EFCAB11: variants seen among roughly 807,000 people sequenced by gnomAD.
EFCAB11 encodes the protein EF-hand calcium binding domain 11.
A neutral mutation model predicts 23.0 loss-of-function variants in EFCAB11; 14 were observed. The ratio of observed to expected loss-of-function variants is 0.61; its 90% CI spans 0.40 to 0.95. The LOEUF is 0.95. Among genes scored for constraint, EFCAB11 ranks in the 40% least tolerant of loss-of-function variants. The probability of loss-of-function intolerance (pLI) is 0.00; values close to 1 mark genes in which losing one functional copy is unlikely to be tolerated. For missense variants in EFCAB11, 198 were observed against 195.8 expected (o/e 1.01, Z -0.07); for synonymous variants, 65 against 66.6 (o/e 0.98, Z 0.11).
chr14:89,838,436 T>G (rs1392285894), intron 5 of EFCAB11, among the ~76,000 whole-genome samples: 1 of 124,434 alleles, frequency 8.0e-6, no homozygotes, highest in African/African-American at 3.2e-5. Flanking sequence ...TACAGAGAGA[T>G]AAAAAGGAAA....
intron 5 of EFCAB11, among the ~76,000 whole-genome samples, chr14:89,889,100 A>T (rs1046147257): frequency 6.6e-6 from 1 of 152,216 alleles, no homozygotes; most frequent in African/African-American, 2.4e-5. Context: ...TTGCATGATA[A>T]TTAGAATGAT....
chr14:89,951,925 A>G (rs1025878476), intron 2 of EFCAB11, among the ~76,000 whole-genome samples: 13 of 152,186 alleles, frequency 8.5e-5, no homozygotes, highest in African/African-American at 3.1e-4. Flanking sequence ...ACTGCATCTC[A>G]ACAAATAAAT....
intron 5 of EFCAB11, among the ~76,000 whole-genome samples, chr14:89,801,278 CT>C (rs1461737380): frequency 2.0e-5 from 3 of 152,304 alleles, no homozygotes; most frequent in East Asian, 3.9e-4. Flanking sequence ...AACCTCTCCC[CT>C]ATCTTCACCA....
intron 5 of EFCAB11, chr14:89,829,784 A>T (rs1886824947): frequency 6.6e-6 from 1 of 152,248 alleles, no homozygotes; most frequent in African/African-American, 2.4e-5. Flanking sequence ...ATCAATGAAG[A>T]GCAAACACCA....
intron 5 of EFCAB11, among the ~76,000 whole-genome samples, chr14:89,881,862 T>C (rs968302901): frequency 1.3e-5 from 2 of 152,216 alleles, no homozygotes; most frequent in African/African-American, 2.4e-5. Flanking sequence ...ACAGTGTGCA[T>C]GCACTTGAAC....
At chr14:89,864,715 A>G (rs1423245204) in intron 5 of EFCAB11, among the ~76,000 whole-genome samples, 1 of 152,214 alleles carries the variant, frequency 6.6e-6, no homozygotes, top group Admixed American at 6.5e-5. Context: ...CTGGGATTAC[A>G]GGCGTGAGCC....
intron 5 of EFCAB11, among the ~76,000 whole-genome samples, chr14:89,866,774 A>C (rs1319687280): frequency 6.6e-6 from 1 of 152,058 alleles, no homozygotes; most frequent in African/African-American, 2.4e-5. Context: ...ATGTGTAATG[A>C]TCTCATTTTT....
chr14:89,948,305 T>C (rs948106264), intron 3 of EFCAB11, among the ~76,000 whole-genome samples: 2 of 152,166 alleles, frequency 1.3e-5, no homozygotes, highest in Non-Finnish European at 2.9e-5. Flanking sequence ...ACAGTTAAAA[T>C]GGCTTTTATC....
At chr14:89,855,825 G>A (rs184612717) in intron 5 of EFCAB11, among the ~76,000 whole-genome samples, 3 of 151,990 alleles carry the variant, frequency 2.0e-5, no homozygotes, top group Admixed American at 6.6e-5. Flanking sequence ...TATTCTCTCT[G>A]TATATTTGAC....
chr14:89,944,913 T>C (rs754885179), intron 3 of EFCAB11, among the ~76,000 whole-genome samples: 2 of 137,148 alleles, frequency 1.5e-5, no homozygotes, highest in Admixed American at 7.5e-5. Flanking sequence ...TCTAATAAAA[T>C]ATTAGATTTT....
At chr14:89,933,989 G>T (rs576567917) in intron 3 of EFCAB11, among the ~76,000 whole-genome samples, 1 of 152,272 alleles carries the variant, frequency 6.6e-6, no homozygotes, top group Admixed American at 6.5e-5. Flanking sequence ...CTGTTGTGTG[G>T]CAAGGTGGGA....
intron 5 of EFCAB11, 98 bp downstream of exon 5, chr14:89,931,443 A>G: frequency 8.6e-7 from 1 of 1,159,436 alleles, no homozygotes; most frequent in Non-Finnish European, 1.3e-6. Flanking sequence ...TTCCAGACTC[A>G]AAAATCAGAA....
chr14:89,908,735 T>C (rs1318227651), intron 5 of EFCAB11, among the ~76,000 whole-genome samples: 1 of 152,114 alleles, frequency 6.6e-6, no homozygotes, highest in Non-Finnish European at 1.5e-5. Context: ...ATCGAAGGTA[T>C]TGTTCTATGT....
intron 3 of EFCAB11, among the ~76,000 whole-genome samples, chr14:89,946,209 T>C (rs1254455921): frequency 6.6e-6 from 1 of 152,134 alleles, no homozygotes; most frequent in Non-Finnish European, 1.5e-5. Flanking sequence ...TCATGGCACC[T>C]GGCCAGGGGC....
intron 5 of EFCAB11, among the ~76,000 whole-genome samples, chr14:89,887,708 T>C (rs1262280193): frequency 3.9e-5 from 6 of 152,184 alleles, no homozygotes; most frequent in African/African-American, 1.4e-4. Context: ...GACAACAGAC[T>C]GTAAATATAT....
chr14:89,839,752 T>G (rs1329558947), intron 5 of EFCAB11, among the ~76,000 whole-genome samples: 1 of 145,552 alleles, frequency 6.9e-6, no homozygotes, highest in Non-Finnish European at 1.5e-5. Context: ...CATGGTGGAA[T>G]GCAAAGGGGG....
intron 5 of EFCAB11, among the ~76,000 whole-genome samples, chr14:89,899,731 G>C (rs1889284331): frequency 6.6e-6 from 1 of 152,210 alleles, no homozygotes; most frequent in African/African-American, 2.4e-5. Flanking sequence ...GAGACATGAT[G>C]AACTTTGTAA....
Position 89,896,779 on chromosome 14 carries a change from C to T in EFCAB11, c.410+34762G>A, listed in dbSNP as rs554342658. On this transcript the variant is annotated intron_variant, in intron 5 of 5. Transcript: ENST00000316738. ...GAGCATAGCTCACTGAAGCCTCAAACTCCTGCATCTTCAAACTCCTGCAGG... is the reference window on the plus strand; with the variant it reads ...GAGCATAGCTCACTGAAGCCTCAAATTCCTGCATCTTCAAACTCCTGCAGG... Among the ~76,000 whole-genome samples, 631 of 152,316 alleles carry T rather than the reference C, an allele frequency of 4.1e-3. 2 individuals are homozygous for T. Among genetic ancestry groups the T allele is most frequent in the Admixed American group, 6.7e-3 (102 of 15,300 alleles).
chr14:89,813,598 G>T (rs773348362), intron 5 of EFCAB11, among the ~76,000 whole-genome samples: 7 of 151,910 alleles, frequency 4.6e-5, no homozygotes, highest in Non-Finnish European at 1.0e-4. Context: ...AGGAGCATTT[G>T]TTACTTCAGC....
Sources: gnomAD v4.1 joint callset for allele counts (sites outside exome capture counted in the v4.1 genomes callset) on GRCh38, gnomAD v4.1.1 for gene constraint, MANE v1.5 for transcripts, NCBI Gene and HGNC (gene_info 2026-07-23, HGNC 2026-07-21) for gene names.